ADAM18: variants seen among roughly 807,000 people sequenced by gnomAD.
ADAM18 encodes the protein ADAM metallopeptidase domain 18, also known as disintegrin and metalloproteinase domain-containing protein 18.
Under a neutral mutation model 94.4 loss-of-function variants are expected in ADAM18, and 117 were observed. The observed-to-expected ratio is 1.24, with a 90% CI of 1.07 to 1.45. The LOEUF (loss-of-function observed/expected upper bound fraction) is 1.45, where lower values mean the gene tolerates loss of function less well. Ranked by LOEUF, ADAM18 falls within the 40% of genes most tolerant of loss-of-function variation. The pLI, the probability that ADAM18 is intolerant of heterozygous loss-of-function variation, is 0.00. For missense variants in ADAM18, 936 were observed against 880.0 expected (o/e 1.06, Z -0.81); for synonymous variants, 327 against 291.6 (o/e 1.12, Z -1.24).
At chr8:39,676,782 T>C (rs1821314962) in intron 14 of ADAM18, among the ~76,000 whole-genome samples, 1 of 152,226 alleles carries the variant, frequency 6.6e-6, no homozygotes. Flanking sequence ...TTTTGGCAAG[T>C]GTATTATTTT....
At chr8:39,651,227 G>T (rs1282758098) in intron 12 of ADAM18, among the ~76,000 whole-genome samples, 2 of 152,108 alleles carry the variant, frequency 1.3e-5, no homozygotes, top group African/African-American at 4.8e-5. Flanking sequence ...ATATACAATC[G>T]GGTTTTACAC....
intron 7 of ADAM18, among the ~76,000 whole-genome samples, chr8:39,631,350 T>C (rs1014243490): frequency 2.6e-5 from 4 of 152,010 alleles, no homozygotes; most frequent in African/African-American, 9.7e-5. Context: ...TTTTATGGTA[T>C]ATTTTTAATT....
intron 6 of ADAM18, among the ~76,000 whole-genome samples, chr8:39,625,007 A>G (rs1288633676): frequency 2.6e-5 from 4 of 152,162 alleles, no homozygotes; most frequent in Non-Finnish European, 4.4e-5. Flanking sequence ...GACTAATAAA[A>G]TTGCTTTGGC....
At chr8:39,586,687 A>C (rs1395191140) in intron 2 of ADAM18, among the ~76,000 whole-genome samples, 2 of 152,132 alleles carry the variant, frequency 1.3e-5, no homozygotes, top group Admixed American at 6.6e-5. Flanking sequence ...TGATTGTGTC[A>C]CTGTACTCCA....
rs150555953 is a variant in ADAM18, at chr8:39,711,866, A to G, written c.2017+4962A>G. 3.1e-3 allele frequency among the ~76,000 whole-genome samples: 468 copies of G among 152,210 alleles called. 2 individuals carry two copies. Among genetic ancestry groups the G allele is most frequent in the Admixed American group, 4.5e-3 (69 of 15,292 alleles). ...GACTATTTGAAGACATAATGCCCCA[A>G]AACTTTTAAAATTTTATGAAAATCA... On this transcript the variant is annotated intron_variant, in intron 18 of 19. Transcript: ENST00000265707.
At chr8:39,656,066 G>A (rs115040371) in intron 12 of ADAM18, among the ~76,000 whole-genome samples, 2 of 151,786 alleles carry the variant, frequency 1.3e-5, no homozygotes, top group African/African-American at 4.8e-5. Flanking sequence ...TCATCATCCC[G>A]AAGTGCAATT....
Position 39,652,182 on chromosome 8 carries a change from G to T in ADAM18, c.1230+3655G>T, listed in dbSNP as rs1820558387. 2.6e-5 allele frequency among the ~76,000 whole-genome samples: 4 copies of T among 151,780 alleles called. No individual in the cohort carries two copies. In the South Asian group the frequency reaches 8.3e-4, roughly 32 times the overall value. ...GACACCAAAAACACAGACAGCAAAAGCAAAAATATAGAAATGGAATTATAT... is the reference window on the plus strand; with the variant it reads ...GACACCAAAAACACAGACAGCAAAATCAAAAATATAGAAATGGAATTATAT... On this transcript the variant is annotated intron_variant, in intron 12 of 19. Transcript: ENST00000265707.
At chr8:39,609,985 G>A (rs1045485595) in intron 5 of ADAM18, among the ~76,000 whole-genome samples, 3 of 152,112 alleles carry the variant, frequency 2.0e-5, no homozygotes, top group Admixed American at 6.5e-5. Context: ...AGTGATTTCT[G>A]TTAGTGATGC....
At chr8:39,671,600 G>C (rs1482462673) in intron 14 of ADAM18, among the ~76,000 whole-genome samples, 1 of 152,100 alleles carries the variant, frequency 6.6e-6, no homozygotes, top group African/African-American at 2.4e-5. Context: ...ACCTACCCTT[G>C]GGATGGAGAC....
chr8:39,614,230 C>T (rs954615427), intron 6 of ADAM18, among the ~76,000 whole-genome samples: 3 of 152,116 alleles, frequency 2.0e-5, no homozygotes, highest in Admixed American at 2.0e-4. Flanking sequence ...AGACAAGGGA[C>T]AGGCCACCTA....
chr8:39,598,362 T>C (rs564310625), intron 2 of ADAM18, among the ~76,000 whole-genome samples: 266 of 152,296 alleles, frequency 1.7e-3, no homozygotes, highest in African/African-American at 6.2e-3. Flanking sequence ...TCAAAACCTA[T>C]GTATGATGTT....
intron 6 of ADAM18, among the ~76,000 whole-genome samples, chr8:39,625,675 T>A (rs1166225377): frequency 6.6e-6 from 1 of 152,282 alleles, no homozygotes; most frequent in South Asian, 2.1e-4. Flanking sequence ...TGTGGGTTTG[T>A]CATATATAGC....
At chr8:39,665,326 A>T (rs1053783457) in intron 13 of ADAM18, among the ~76,000 whole-genome samples, 9 of 152,192 alleles carry the variant, frequency 5.9e-5, no homozygotes, top group Admixed American at 5.2e-4. Flanking sequence ...GATGTACCAC[A>T]GTTCATTCAT....
At chr8:39,600,175 T>G (rs1818861736) in intron 2 of ADAM18, among the ~76,000 whole-genome samples, 1 of 152,204 alleles carries the variant, frequency 6.6e-6, no homozygotes, top group Non-Finnish European at 1.5e-5. Context: ...AAGAAAGGTC[T>G]GTAAACTTTC....
chr8:39,645,807 A>G (rs1214242548), intron 11 of ADAM18, among the ~76,000 whole-genome samples: 2 of 152,064 alleles, frequency 1.3e-5, no homozygotes. Flanking sequence ...TTTAATTTTC[A>G]GTTGTTGGAA....
chr8:39,680,288 A>G (rs1027407367), intron 16 of ADAM18, 62 bp downstream of exon 16: 8 of 1,410,908 alleles, frequency 5.7e-6, no homozygotes, highest in Non-Finnish European at 7.8e-6. Context: ...CAGATACTGC[A>G]TTCCATGATG....
intron 19 of ADAM18, among the ~76,000 whole-genome samples, chr8:39,725,792 T>G (rs961018242): frequency 1.3e-5 from 2 of 152,208 alleles, no homozygotes; most frequent in African/African-American, 4.8e-5. Flanking sequence ...ATAGCTATTG[T>G]GAACAATGCT....
intron 7 of ADAM18, 116 bp downstream of exon 7, chr8:39,629,555 C>T (rs1819874775): frequency 3.1e-6 from 2 of 641,220 alleles, no homozygotes. Flanking sequence ...CTTTCCCTTC[C>T]TCCATTGTCT....
At chr8:39,669,625 C>T (rs564136683) in intron 14 of ADAM18, among the ~76,000 whole-genome samples, 5 of 151,912 alleles carry the variant, frequency 3.3e-5, no homozygotes, top group Non-Finnish European at 5.9e-5. Context: ...TCATCCGTGT[C>T]CCTACAAAGG....
Sources: gnomAD v4.1 joint callset for allele counts (sites outside exome capture counted in the v4.1 genomes callset) on GRCh38, gnomAD v4.1.1 for gene constraint, MANE v1.5 for transcripts, NCBI Gene and HGNC (gene_info 2026-07-23, HGNC 2026-07-21) for gene names.